Variants in KAT6B observed in about 807,000 individuals in gnomAD.
KAT6B encodes the protein lysine acetyltransferase 6B.
In KAT6B, 10 loss-of-function variants were observed where a neutral mutation model predicts 187.5. The observed-to-expected ratio is 0.05, with a 90% CI of 0.03 to 0.09. KAT6B has a LOEUF of 0.09. Ranked by LOEUF, KAT6B falls within the 10% of genes least tolerant of loss-of-function variation. The pLI, the probability that KAT6B is intolerant of heterozygous loss-of-function variation, is 1.00. For synonymous variants in KAT6B, 861 were observed against 926.8 expected (o/e 0.93, Z 1.29); for missense variants, 1,952 against 2,558.9 (o/e 0.76, Z 5.12).
At chr10:74,829,625 A>G (rs1440588694) in intron 1 of KAT6B, among the ~76,000 whole-genome samples, 2 of 151,798 alleles carry the variant, frequency 1.3e-5, no homozygotes, top group East Asian at 2.0e-4. Flanking sequence ...TTGTATTTTT[A>G]GTAGAGGTGG....
chr10:75,001,614 AC>A (rs1442339389), intron 13 of KAT6B, among the ~76,000 whole-genome samples: 3 of 152,166 alleles, frequency 2.0e-5, no homozygotes, highest in Non-Finnish European at 4.4e-5. Flanking sequence ...ACTAGTTTTC[AC>A]AGTCTGCCTT....
chr10:75,012,057 T>C (rs1844644725), intron 13 of KAT6B, among the ~76,000 whole-genome samples: 1 of 151,998 alleles, frequency 6.6e-6, no homozygotes, highest in Non-Finnish European at 1.5e-5. Context: ...AGTCATGAGG[T>C]TGGGTGGAAC....
At chr10:74,844,910 T>A (rs1349221121) in intron 3 of KAT6B, among the ~76,000 whole-genome samples, 1 of 152,202 alleles carries the variant, frequency 6.6e-6, no homozygotes, top group Non-Finnish European at 1.5e-5. Flanking sequence ...AAAACATTAA[T>A]CATTGTTGAT....
intron 3 of KAT6B, among the ~76,000 whole-genome samples, chr10:74,917,813 C>T (rs1044240893): frequency 4.6e-5 from 7 of 152,136 alleles, no homozygotes; most frequent in Non-Finnish European, 7.3e-5. Context: ...TCATCATGGA[C>T]AGGCAGGGGC....
At chr10:74,862,263 G>A (rs763729369) in intron 3 of KAT6B, among the ~76,000 whole-genome samples, 1 of 152,122 alleles carries the variant, frequency 6.6e-6, no homozygotes, top group Non-Finnish European at 1.5e-5. Flanking sequence ...CCAAGTCCAG[G>A]GTTTTAAGGC....
chr10:74,918,192 A>G (rs1349690848), intron 3 of KAT6B, among the ~76,000 whole-genome samples: 1 of 152,248 alleles, frequency 6.6e-6, no homozygotes, highest in Non-Finnish European at 1.5e-5. Flanking sequence ...AATAAAGAAT[A>G]TGAATTTATT....
intron 3 of KAT6B, among the ~76,000 whole-genome samples, chr10:74,891,487 A>G (rs1845642012): frequency 6.6e-6 from 1 of 152,244 alleles, no homozygotes; most frequent in African/African-American, 2.4e-5. Flanking sequence ...TGTGTCTGTG[A>G]TGCTTTAAAA....
intron 1 of KAT6B, among the ~76,000 whole-genome samples, chr10:74,831,627 T>C (rs1374900313): frequency 6.6e-6 from 1 of 152,248 alleles, no homozygotes; most frequent in Non-Finnish European, 1.5e-5. Context: ...AATGGTCATA[T>C]AGACAGAAGT....
intron 3 of KAT6B, among the ~76,000 whole-genome samples, chr10:74,939,447 C>G (rs565219715): frequency 6.6e-6 from 1 of 152,254 alleles, no homozygotes; most frequent in South Asian, 2.1e-4. Flanking sequence ...GTTGCCCAGG[C>G]TGGAGTGCAG....
intron 3 of KAT6B, among the ~76,000 whole-genome samples, chr10:74,935,224 G>A (rs978496064): frequency 7.9e-5 from 12 of 152,122 alleles, no homozygotes; most frequent in African/African-American, 2.7e-4. Context: ...ATTAATTGGA[G>A]AGAATGAAGA....
chr10:75,009,441 CATAAT>C (rs1328586722), intron 13 of KAT6B, among the ~76,000 whole-genome samples: 2 of 152,150 alleles, frequency 1.3e-5, no homozygotes, highest in African/African-American at 2.4e-5. Context: ...CTTTGATTAA[CATAAT>C]ATAAAGTCTC....
At chr10:74,906,710 C>T (rs1001315630) in intron 3 of KAT6B, among the ~76,000 whole-genome samples, 6 of 152,184 alleles carry the variant, frequency 3.9e-5, no homozygotes, top group African/African-American at 9.7e-5. Context: ...CAGACTTCTT[C>T]GTGAAAACCT....
At chr10:74,969,886 AT>A (rs1841738007) in intron 5 of KAT6B, 111 bp downstream of exon 5, 1 of 979,388 alleles carries the variant, frequency 1.0e-6, no homozygotes, top group Non-Finnish European at 1.6e-6. Flanking sequence ...TTAAATACAC[AT>A]GATGTCAAAC....
chr10:74,943,512 A>T (rs184983299), intron 3 of KAT6B, among the ~76,000 whole-genome samples: 1 of 152,162 alleles, frequency 6.6e-6, no homozygotes, highest in Non-Finnish European at 1.5e-5. Context: ...AAATTTTTTG[A>T]AAAAGAACAA....
intron 3 of KAT6B, among the ~76,000 whole-genome samples, chr10:74,947,010 GT>G (rs893019252): frequency 6.6e-6 from 1 of 151,746 alleles, no homozygotes; most frequent in Non-Finnish European, 1.5e-5. Flanking sequence ...GTTATATTTG[GT>G]TTTTTTTGAG....
intron 3 of KAT6B, among the ~76,000 whole-genome samples, chr10:74,908,258 A>G (rs1422898976): frequency 6.6e-6 from 1 of 152,176 alleles, no homozygotes; most frequent in East Asian, 1.9e-4. Flanking sequence ...CTCAGTCTTC[A>G]TAACTATAAG....
At chr10:74,928,679 T>C (rs1007479801) in intron 3 of KAT6B, among the ~76,000 whole-genome samples, 2 of 152,184 alleles carry the variant, frequency 1.3e-5, no homozygotes, top group Non-Finnish European at 2.9e-5. Context: ...GAAAGAAATA[T>C]TTAGTTTTTA....
chr10:74,860,286 G>A (rs1390966241), intron 3 of KAT6B, among the ~76,000 whole-genome samples: 5 of 152,124 alleles, frequency 3.3e-5, no homozygotes, highest in African/African-American at 1.2e-4. Context: ...GTTAAAACGT[G>A]TATTTGTGCC....
chr10:75,021,775 C>A, intron 15 of KAT6B, 106 bp from the exon 16 acceptor site: 1 of 1,161,158 alleles, frequency 8.6e-7, no homozygotes, highest in Non-Finnish European at 1.3e-6. Context: ...GGCTGGCTGG[C>A]TGTCCTGATC....
Sources: gnomAD v4.1 joint callset for allele counts (sites outside exome capture counted in the v4.1 genomes callset) on GRCh38, gnomAD v4.1.1 for gene constraint, MANE v1.5 for transcripts, NCBI Gene and HGNC (gene_info 2026-07-23, HGNC 2026-07-21) for gene names.